LILRB4: variants seen among roughly 807,000 people sequenced by gnomAD.
LILRB4 encodes the protein leukocyte immunoglobulin like receptor B4.
Under a neutral mutation model 55.2 loss-of-function variants are expected in LILRB4, and 49 were observed. That is an observed-to-expected ratio of 0.89 (90% confidence interval 0.71 to 1.13). The LOEUF (loss-of-function observed/expected upper bound fraction) is 1.13, where lower values mean the gene tolerates loss of function less well. Among genes scored for constraint, LILRB4 ranks in the 50% most tolerant of loss-of-function variants. LILRB4 has a pLI of 0.00. For synonymous variants in LILRB4, 229 were observed against 213.8 expected (o/e 1.07, Z -0.62); for missense variants, 590 against 555.2 (o/e 1.06, Z -0.63).
rs141935558 is a variant in LILRB4, at chr19:54,663,066, C to T, written c.33C>T (p.Leu11=). The stretch of plus-strand genomic sequence containing the variant: ...CCACCTTCACGGCTCTGCTCTGCCT[C>T]GGTGAGATTTAAAGAGGGGGAGGGG... Residue 11 remains leucine, a splice_region_variant and synonymous_variant, in exon 1 of 12, where the codon CTC becomes CTT. Coordinates refer to ENST00000430952, the Ensembl canonical transcript of LILRB4. 32 of 1,612,814 alleles carry T rather than the reference C, an allele frequency of 2.0e-5. No homozygotes were observed. The African/African-American group carries it at 2.4e-4, about 12-fold the overall frequency.
intron 10 of LILRB4, chr19:54,667,106 C>T (rs2146413211): frequency 1.7e-6 from 1 of 603,472 alleles, no homozygotes; most frequent in South Asian, 1.5e-5. Flanking sequence ...ATGGGGCTCC[C>T]CATGGGAGCT....
In LILRB4 at chr19:54,663,742, A is replaced by G; in HGVS notation, c.71-12A>G. ...GGAAGGTCTTGGGATCCAGCCTCTGATTTTCTTCCAGGGCCCCTCCCCAAA... is the reference window on the plus strand; with the variant it reads ...GGAAGGTCTTGGGATCCAGCCTCTGGTTTTCTTCCAGGGCCCCTCCCCAAA... On this transcript the variant is annotated splice_polypyrimidine_tract_variant and intron_variant, in intron 2 of 11. Transcript: ENST00000430952. 6.2e-7 allele frequency: 1 copy of G among 1,613,510 alleles called. No homozygotes were observed. The highest frequency in any genetic ancestry group is 8.5e-7 in the Non-Finnish European group (1 of 1,179,794).
chr19:54,666,270 CA>C lies in LILRB4; in HGVS notation c.906del (p.Ala304LeufsTer30). ...AGACAGGCTGATTTCCAACGTCCTC[CA>C]GGGGCTGCCGAGCCAGAGCCCAAGG... On this transcript the variant is annotated frameshift_variant, in exon 8 of 12. Coordinates refer to ENST00000430952, the Ensembl canonical transcript of LILRB4. LOFTEE classifies it high-confidence loss of function. This position sits in a 1 kb window ranked among gnomAD's most constrained non-coding sequence, Gnocchi z 4.8. 1 of 1,608,592 alleles carries C rather than the reference CA, an allele frequency of 6.2e-7. No homozygotes were observed. Among genetic ancestry groups the C allele is most frequent in the Non-Finnish European group, 8.5e-7 (1 of 1,177,152 alleles).
chr19:54,665,767 G>A lies in LILRB4; in HGVS notation c.758-48G>A. ...CACAGTAGGTGCACACACAGTAGGT[G>A]TGCACATCAATGACATCATCCCCAT... On this transcript the variant is annotated intron_variant, in intron 6 of 11. Transcript: ENST00000430952. This position sits in a 1 kb window ranked among gnomAD's most constrained non-coding sequence, Gnocchi z 5.5. The A allele has an allele frequency of 1.3e-6, 2 of 1,559,746 alleles. No homozygotes were observed. Among genetic ancestry groups the A allele is most frequent in the Non-Finnish European group, 1.7e-6 (2 of 1,151,090 alleles).
Position 54,665,714 on chromosome 19 carries a change from G to A in LILRB4, c.758-101G>A, listed in dbSNP as rs1278627709. The A allele has an allele frequency of 2.2e-6, 3 of 1,344,190 alleles. No individual in the cohort carries two copies. The highest frequency in any genetic ancestry group is 2.5e-5 in the East Asian group (1 of 39,860). The allele number at this position is 1,344,190 out of a possible 1,614,324, so 83.3% of individuals were successfully genotyped here. A position where few individuals can be genotyped will look rare whatever the true frequency, so the allele number is the denominator to read the frequency against. The stretch of plus-strand genomic sequence containing the variant: ...AGGTTGCACAACTGCTGTGAGGGTT[G>A]GAGGTAATGAAAGAAAGACCCAGCA... On this transcript the variant is annotated intron_variant, in intron 6 of 11. Transcript: ENST00000430952. This position sits in a 1 kb window ranked among gnomAD's most constrained non-coding sequence, Gnocchi z 5.5.
exon 1 of LILRB4, chr19:54,663,005 C>T (rs1568636412): frequency 1.2e-6 from 2 of 1,613,946 alleles, no homozygotes; most frequent in South Asian, 1.1e-5. Context: ...CATCCATCTG[C>T]ACAGCTGGGG....
At chr19:54,663,773 C>T in exon 3 of LILRB4, 1 of 1,614,130 alleles carries the variant, frequency 6.2e-7, no homozygotes, top group Non-Finnish European at 8.5e-7. Context: ...CCAAACCCAC[C>T]CTCTGGGCTG....
In LILRB4 at chr19:54,666,188, G is replaced by C; in HGVS notation, c.875-52G>C. 2 of 1,500,940 alleles carry C rather than the reference G, an allele frequency of 1.3e-6. No individual in the cohort carries two copies. Among genetic ancestry groups the C allele is most frequent in the Non-Finnish European group, 1.8e-6 (2 of 1,113,032 alleles). 93.0% of individuals were successfully genotyped at this position (1,500,940 alleles called of 1,614,324 possible). On this transcript the variant is annotated intron_variant, in intron 7 of 11. Transcript: ENST00000430952. The surrounding 1 kb of genome is among the most constrained non-coding windows in gnomAD (Gnocchi z 4.8). ...CTTTCCTCTTGACTTGCATGTGCAA[G>C]GCAGGTGGTTCTAACGTTCCCAGAG...
Position 54,665,422 on chromosome 19 carries a change from C to T in LILRB4, c.757+242C>T, listed in dbSNP as rs953804825. 5.9e-5 allele frequency among the ~76,000 whole-genome samples: 9 copies of T among 151,962 alleles called. No homozygotes were observed. Among genetic ancestry groups the T allele is most frequent in the African/African-American group, 1.2e-4 (5 of 41,324 alleles). Reference sequence around the variant, plus strand: ...CCAGGGAACCTCCCAGACCCGATTCCGCAGGGGCCTGTCCGGTCCCACCTG... The same window carrying T: ...CCAGGGAACCTCCCAGACCCGATTCTGCAGGGGCCTGTCCGGTCCCACCTG... On this transcript the variant is annotated intron_variant, in intron 6 of 11. Coordinates refer to ENST00000430952, the Ensembl canonical transcript of LILRB4. This position sits in a 1 kb window ranked among gnomAD's most constrained non-coding sequence, Gnocchi z 5.5.
rs2146404306 is a variant in LILRB4 at position 54,666,378 on chromosome 19, C to T, written c.951-21C>T. 1.2e-6 allele frequency: 2 copies of T among 1,613,550 alleles called. No individual in the cohort carries two copies. Among genetic ancestry groups the T allele is most frequent in the Non-Finnish European group, 1.7e-6 (2 of 1,179,606 alleles). On this transcript the variant is annotated intron_variant, in intron 8 of 11. Coordinates refer to ENST00000430952, the Ensembl canonical transcript of LILRB4. The surrounding 1 kb of genome is among the most constrained non-coding windows in gnomAD (Gnocchi z 4.8). ...CAACAGCCACCTCACTGTCCCCTTA[C>T]ACTCCCGTATCCTCCCCCAGGTCCA... is the stretch of plus-strand genomic sequence containing the variant.
intron 10 of LILRB4, chr19:54,667,108 A>G (rs2065313476): frequency 1.7e-6 from 1 of 599,584 alleles, no homozygotes; most frequent in Non-Finnish European, 3.2e-6. Flanking sequence ...GGGGCTCCCC[A>G]TGGGAGCTGC....
chr19:54,664,580 C>T, intron 4 of LILRB4, 95 bp downstream of exon 4: 1 of 1,349,050 alleles, frequency 7.4e-7, no homozygotes. Context: ...GAGAGGGGCT[C>T]AGCCAGTGGG....
At position 54,666,517 on chromosome 19, in the gene LILRB4, G is replaced by A; in HGVS notation, c.988+81G>A. ...CAATAGCAATGGGGGCAGGAGCACA[G>A]GCTAGGATTGGTCAGGGACTCAGGG... On this transcript the variant is annotated intron_variant, in intron 9 of 11. Transcript: ENST00000430952. The surrounding 1 kb of genome is among the most constrained non-coding windows in gnomAD (Gnocchi z 4.8). 6.5e-7 allele frequency: 1 copy of A among 1,544,476 alleles called. No individual in the cohort carries two copies. Among genetic ancestry groups the A allele is most frequent in the Non-Finnish European group, 8.9e-7 (1 of 1,124,278 alleles).
chr19:54,663,254 G>A (rs1304238442), intron 1 of LILRB4, among the ~76,000 whole-genome samples, 187 bp downstream of exon 1: 1 of 151,872 alleles, frequency 6.6e-6, no homozygotes, highest in South Asian at 2.1e-4. Flanking sequence ...AGACCATCCT[G>A]GCTAACACGG....
exon 4 of LILRB4, chr19:54,664,468 T>C: frequency 6.2e-7 from 1 of 1,606,042 alleles, no homozygotes; most frequent in East Asian, 2.2e-5. Flanking sequence ...AGTGACCCCC[T>C]GGAGCTCATA....
At chr19:54,664,736 A>C (rs759616907) in intron 4 of LILRB4, 63 bp from the exon 5 acceptor site, 2 of 1,305,074 alleles carry the variant, frequency 1.5e-6, no homozygotes, top group Non-Finnish European at 2.1e-6. Context: ...GGAGAGGTTC[A>C]ATTTGATGTG....
Position 54,665,729 on chromosome 19 carries a change from A to G in LILRB4, c.758-86A>G. 6.8e-7 allele frequency: 1 copy of G among 1,472,952 alleles called. No homozygotes were observed. Among genetic ancestry groups the G allele is most frequent in the Non-Finnish European group, 9.3e-7 (1 of 1,075,396 alleles). The allele number at this position is 1,472,952 out of a possible 1,614,324, so 91.2% of individuals were successfully genotyped here. A position where few individuals can be genotyped will look rare whatever the true frequency, so the allele number is the denominator to read the frequency against. On this transcript the variant is annotated intron_variant, in intron 6 of 11. Coordinates refer to ENST00000430952, the Ensembl canonical transcript of LILRB4. The surrounding 1 kb of genome is among the most constrained non-coding windows in gnomAD (Gnocchi z 5.5). Reference sequence around the variant, plus strand: ...TGTGAGGGTTGGAGGTAATGAAAGAAAGACCCAGCACACACAGTAGGTGCA... The same window carrying G: ...TGTGAGGGTTGGAGGTAATGAAAGAGAGACCCAGCACACACAGTAGGTGCA...
rs780041437 is a variant in LILRB4 at position 54,666,300 on chromosome 19, G to A, written c.935G>A (p.Gly312Glu). 4.3e-6 allele frequency: 7 copies of A among 1,610,116 alleles called. No homozygotes were observed. Among genetic ancestry groups the A allele is most frequent in the Non-Finnish European group, 5.9e-6 (7 of 1,177,968 alleles). ...GCTGCCGAGCCAGAGCCCAAGGACG[G>A]GGGCCTACAGAGGAGGTAATTCTGC... The change falls in exon 8 of 12, where the codon GGG becomes GAG. Residue 312 changes from glycine to glutamate, a missense_variant. Physicochemically the swap from Gly to Glu is moderately conservative, Grantham distance 98. Coordinates refer to ENST00000430952, the Ensembl canonical transcript of LILRB4. The surrounding 1 kb of genome is among the most constrained non-coding windows in gnomAD (Gnocchi z 4.8).
chr19:54,664,005 C>G (rs769398043), exon 3 of LILRB4: 2 of 1,614,070 alleles, frequency 1.2e-6, no homozygotes, highest in African/African-American at 1.3e-5. Context: ...AGGCTGGTCA[C>G]AGCCCAGTGA....
Sources: allele counts gnomAD v4.1 joint callset (sites outside exome capture counted in the v4.1 genomes callset), GRCh38; gene constraint gnomAD v4.1.1; non-coding constraint Gnocchi (gnomAD v3.1); transcripts MANE v1.5; gene names NCBI Gene and HGNC (gene_info 2026-07-23, HGNC 2026-07-21).